Variants in DTD1 observed in about 807,000 individuals in gnomAD.
DTD1 encodes the protein D-aminoacyl-tRNA deacylase 1, also known as D-tyrosyl-tRNA deacylase 1 homolog.
DTD1 carries 13 observed loss-of-function variants against 25.6 expected under a neutral mutation model. That is an observed-to-expected ratio of 0.51 (90% CI 0.33 to 0.81). The LOEUF (loss-of-function observed/expected upper bound fraction) is 0.81, where lower values mean the gene tolerates loss of function less well. Ranked by LOEUF, DTD1 falls within the 30% of genes least tolerant of loss-of-function variation. DTD1 has a pLI of 0.02. For synonymous variants in DTD1, 110 were observed against 103.6 expected, an observed-to-expected ratio of 1.06 and a Z score of -0.37; for missense variants, 193 against 266.4, an observed-to-expected ratio of 0.72 and a Z score of 1.92.
At chr20:18,697,003 C>A (rs566812200) in intron 4 of DTD1, among the ~76,000 whole-genome samples, 1 of 151,522 alleles carries the variant, frequency 6.6e-6, no homozygotes, top group Non-Finnish European at 1.5e-5. Flanking sequence ...GTGGCAGAGG[C>A]GGGCAGATCA....
chr20:18,732,829 G>A (rs2061243000), intron 4 of DTD1, among the ~76,000 whole-genome samples: 1 of 152,206 alleles, frequency 6.6e-6, no homozygotes, highest in Non-Finnish European at 1.5e-5. Flanking sequence ...TCTCATTCCA[G>A]CCTCTTTAAG....
At chr20:18,588,191 C>T in intron 1 of DTD1, 76 bp downstream of exon 1, 8 of 1,181,040 alleles carry the variant, frequency 6.8e-6, no homozygotes, top group African/African-American at 1.6e-5. Flanking sequence ...GGGGGGTCTT[C>T]CTGCGCCATC....
intron 4 of DTD1, among the ~76,000 whole-genome samples, chr20:18,727,014 G>A (rs577273272): frequency 6.6e-6 from 1 of 152,346 alleles, no homozygotes; most frequent in Non-Finnish European, 1.5e-5. Flanking sequence ...CTGTGAGGAC[G>A]GGTGGACTCT....
At chr20:18,657,217 A>G (rs777206332) in intron 4 of DTD1, among the ~76,000 whole-genome samples, 6 of 152,222 alleles carry the variant, frequency 3.9e-5, no homozygotes, top group Non-Finnish European at 5.9e-5. Context: ...TCAACAAATG[A>G]GCAGGATGCG....
intron 3 of DTD1, among the ~76,000 whole-genome samples, chr20:18,611,638 T>A (rs1164355985): frequency 2.0e-5 from 3 of 152,156 alleles, no homozygotes; most frequent in Non-Finnish European, 2.9e-5. Flanking sequence ...CCAGCACCCA[T>A]GCGGTTAGGG....
intron 5 of DTD1, among the ~76,000 whole-genome samples, chr20:18,762,571 A>G (rs2061367259): frequency 6.6e-6 from 1 of 152,182 alleles, no homozygotes; most frequent in Admixed American, 6.5e-5. Flanking sequence ...TTTGGAAATC[A>G]TGCTTTTATA....
At chr20:18,700,036 G>C (rs1022641077) in intron 4 of DTD1, among the ~76,000 whole-genome samples, 1 of 152,190 alleles carries the variant, frequency 6.6e-6, no homozygotes, top group African/African-American at 2.4e-5. Context: ...ATCCAATCTA[G>C]AATCCCATGT....
intron 5 of DTD1, among the ~76,000 whole-genome samples, chr20:18,753,256 A>G (rs1407106741): frequency 6.6e-6 from 1 of 152,182 alleles, no homozygotes; most frequent in Non-Finnish European, 1.5e-5. Flanking sequence ...AACAGCACCA[A>G]CCTGTAGGGA....
chr20:18,609,152 T>A (rs990921609), intron 3 of DTD1, among the ~76,000 whole-genome samples: 2 of 151,910 alleles, frequency 1.3e-5, no homozygotes, highest in Admixed American at 6.6e-5. Flanking sequence ...TAACTTTATT[T>A]TTTTTTTTGA....
chr20:18,608,671 C>T (rs562199637), intron 3 of DTD1, among the ~76,000 whole-genome samples: 2 of 152,162 alleles, frequency 1.3e-5, no homozygotes, highest in African/African-American at 4.8e-5. Context: ...CTTAACAATT[C>T]GGACCAGCCA....
intron 3 of DTD1, among the ~76,000 whole-genome samples, chr20:18,620,694 A>T (rs2060730444): frequency 6.6e-6 from 1 of 151,956 alleles, no homozygotes; most frequent in Non-Finnish European, 1.5e-5. Flanking sequence ...TCCTGGGCTC[A>T]AGCAATCCTC....
At chr20:18,685,741 G>A (rs1408361301) in intron 4 of DTD1, among the ~76,000 whole-genome samples, 1 of 152,180 alleles carries the variant, frequency 6.6e-6, no homozygotes, top group Non-Finnish European at 1.5e-5. Flanking sequence ...ACCTAAGTAG[G>A]AACTTGTGCT....
intron 5 of DTD1, among the ~76,000 whole-genome samples, chr20:18,761,364 C>T (rs1171842404): frequency 1.3e-5 from 2 of 152,076 alleles, no homozygotes; most frequent in African/African-American, 2.4e-5. Flanking sequence ...CATCTTGGCT[C>T]CACCTCTGAT....
intron 5 of DTD1, among the ~76,000 whole-genome samples, chr20:18,760,216 A>T (rs1345560397): frequency 6.6e-6 from 1 of 152,066 alleles, no homozygotes; most frequent in Non-Finnish European, 1.5e-5. Flanking sequence ...TGATCATCTG[A>T]AGCCTTCTTC....
chr20:18,628,264 C>T (rs1333277273), intron 4 of DTD1, 31 bp downstream of exon 4: 3 of 1,558,022 alleles, frequency 1.9e-6, no homozygotes, highest in Admixed American at 1.7e-5. Flanking sequence ...CTGGCTCCGT[C>T]CCTTGGGTGC....
At chr20:18,693,372 G>A (rs938591306) in intron 4 of DTD1, among the ~76,000 whole-genome samples, 3 of 152,046 alleles carry the variant, frequency 2.0e-5, no homozygotes, top group African/African-American at 7.2e-5. Flanking sequence ...TAGAAAAATT[G>A]AGGGCCAGGT....
chr20:18,697,928 T>G (rs1308493311), intron 4 of DTD1, among the ~76,000 whole-genome samples: 1 of 152,186 alleles, frequency 6.6e-6, no homozygotes, highest in Non-Finnish European at 1.5e-5. Flanking sequence ...CATATAATTT[T>G]TATGTTTGCA....
At chr20:18,669,773 C>T (rs982833156) in intron 4 of DTD1, among the ~76,000 whole-genome samples, 2 of 152,166 alleles carry the variant, frequency 1.3e-5, no homozygotes, top group African/African-American at 4.8e-5. Context: ...GGGGGGTCTG[C>T]ATGCCAAGGG....
chr20:18,618,017 CT>C (rs1416987661), intron 3 of DTD1, among the ~76,000 whole-genome samples: 2 of 152,062 alleles, frequency 1.3e-5, no homozygotes, highest in Non-Finnish European at 2.9e-5. Flanking sequence ...TAATTTATGT[CT>C]CTTAAAAACA....
Sources: allele counts gnomAD v4.1 joint callset (sites outside exome capture counted in the v4.1 genomes callset), GRCh38; gene constraint gnomAD v4.1.1; transcripts MANE v1.5; gene names NCBI Gene and HGNC (gene_info 2026-07-23, HGNC 2026-07-21).